ENAH: variants seen among roughly 807,000 people sequenced by gnomAD.
ENAH encodes the protein protein enabled homolog.
Under a neutral mutation model 78.7 loss-of-function variants are expected in ENAH, and 23 were observed. The ratio of observed to expected loss-of-function variants is 0.29; its 90% CI spans 0.21 to 0.41. The LOEUF (loss-of-function observed/expected upper bound fraction) is 0.41, where lower values mean the gene tolerates loss of function less well. Ranked by LOEUF, ENAH falls within the 10% of genes least tolerant of loss-of-function variation. The pLI, the probability that ENAH is intolerant of heterozygous loss-of-function variation, is 1.00. For synonymous variants in ENAH, 226 were observed against 241.0 expected (o/e 0.94, Z 0.58); for missense variants, 544 against 691.0 (o/e 0.79, Z 2.39).
intron 1 of ENAH, among the ~76,000 whole-genome samples, chr1:225,570,155 A>C (rs1354261306): frequency 6.8e-6 from 1 of 146,606 alleles, no homozygotes; most frequent in Non-Finnish European, 1.5e-5. Flanking sequence ...TGGGTGACAG[A>C]GCAATGCTCC....
intron 4 of ENAH, among the ~76,000 whole-genome samples, chr1:225,527,175 C>T (rs1422549166): frequency 6.6e-6 from 1 of 152,104 alleles, no homozygotes; most frequent in Non-Finnish European, 1.5e-5. Flanking sequence ...ATTTATAATG[C>T]AAACTGATAA....
chr1:225,536,838 T>G (rs2096564139), intron 3 of ENAH, among the ~76,000 whole-genome samples: 1 of 152,052 alleles, frequency 6.6e-6, no homozygotes, highest in Admixed American at 6.6e-5. Context: ...CTTTGCTAAG[T>G]ACTTCCAACC....
intron 11 of ENAH, among the ~76,000 whole-genome samples, chr1:225,506,709 C>CT (rs1449207321): frequency 2.0e-5 from 3 of 152,136 alleles, no homozygotes; most frequent in African/African-American, 7.2e-5. Context: ...AAACTAAAAG[C>CT]TTTTATACAT....
At chr1:225,635,923 T>A (rs1391965131) in intron 1 of ENAH, among the ~76,000 whole-genome samples, 1 of 152,216 alleles carries the variant, frequency 6.6e-6, no homozygotes, top group Non-Finnish European at 1.5e-5. Flanking sequence ...GAAATCCTCC[T>A]GTTTTGAGTT....
At chr1:225,502,336 G>A (rs115904547) in intron 11 of ENAH, among the ~76,000 whole-genome samples, 5,002 of 152,004 alleles carry the variant, frequency 0.033, 111 homozygotes, top group East Asian at 0.09. Context: ...CTCAGCCTCT[G>A]GAGTAGCTGG....
At position 225,488,544 on chromosome 1, in the gene ENAH, T is replaced by C. The variant is rs1382176356; in HGVS notation, c.*9231A>G. ...TTAAAAAAAAAATTCTATGCAAATATGTAAGTACTGTCATTGAGGATTACA... is the reference window on the plus strand; with the variant it reads ...TTAAAAAAAAAATTCTATGCAAATACGTAAGTACTGTCATTGAGGATTACA... On this transcript the variant is annotated 3_prime_UTR_variant, in exon 14 of 14. Transcript: ENST00000366843. 1.3e-5 allele frequency: 2 copies of C among 152,206 alleles called. No individual in the cohort carries two copies. The highest frequency in any genetic ancestry group is 6.5e-5 in the Admixed American group (1 of 15,286). The allele number at this position is 152,206 out of a possible 1,614,324, so 9.4% of individuals were successfully genotyped here.
chr1:225,614,806 T>A (rs2097015168), intron 1 of ENAH, among the ~76,000 whole-genome samples: 1 of 152,236 alleles, frequency 6.6e-6, no homozygotes, highest in African/African-American at 2.4e-5. Context: ...AGACCAAATA[T>A]GTATTTCTTA....
intron 1 of ENAH, among the ~76,000 whole-genome samples, chr1:225,629,095 T>A (rs1446784393): frequency 4.0e-5 from 6 of 151,284 alleles, no homozygotes; most frequent in Admixed American, 4.0e-4. Context: ...CTGGCCAACA[T>A]GGTAAAACCC....
rs1458581569 is a variant in ENAH, at chr1:225,514,801, G to A, written c.1013C>T (p.Pro338Leu). ...VALPPPPGPP[P>L]PPPLPSTGPP... ...CCCGGTGGATGGGAGTGGAGGAGGT[G>A]GAGGGGGCCCTGGGGGAGGAGGGAG... Residue 338 changes from proline (P) to leucine (L), a missense_variant, in exon 7 of 14, where the codon CCA (proline) becomes CTA (leucine). Physicochemically the swap from Pro to Leu is moderately conservative, Grantham distance 98. Coordinates refer to ENST00000366843, the MANE Select transcript of ENAH (RefSeq NM_018212.6). 11 of 1,516,300 alleles carry A rather than the reference G, an allele frequency of 7.3e-6. 1 individual carries two copies. Among genetic ancestry groups the A allele is most frequent in the South Asian group, 2.5e-5 (2 of 81,116 alleles). 93.9% of individuals were successfully genotyped at this position (1,516,300 alleles called of 1,614,324 possible). A position where few individuals can be genotyped will look rare whatever the true frequency, so the allele number is the denominator to read the frequency against.
At chr1:225,614,509 T>C (rs910854066) in intron 1 of ENAH, among the ~76,000 whole-genome samples, 3 of 152,228 alleles carry the variant, frequency 2.0e-5, no homozygotes, top group Admixed American at 2.0e-4. Flanking sequence ...TGCTCATCCA[T>C]CTGGAAGCTC....
intron 6 of ENAH, among the ~76,000 whole-genome samples, chr1:225,516,409 A>G (rs2096417424): frequency 1.3e-5 from 2 of 152,220 alleles, no homozygotes. Context: ...AGAAGGAAAC[A>G]GGGCCCAAGA....
rs1001947807 is a variant in ENAH, at chr1:225,524,229, TATTC to T, written c.435-4668_435-4665del. Reference sequence around the variant, plus strand: ...TGAGATTAATAGCTTTTTAAATATATATTCATTATTTAGTTTATGTTGACTCAAA... The same window carrying T: ...TGAGATTAATAGCTTTTTAAATATATATTATTTAGTTTATGTTGACTCAAA... On this transcript the variant is annotated intron_variant, in intron 4 of 13. Coordinates refer to ENST00000366843, the MANE Select transcript of ENAH (RefSeq NM_018212.6). 5.3e-4 allele frequency among the ~76,000 whole-genome samples: 81 copies of T among 152,332 alleles called. 2 individuals carry two copies. The highest frequency in any genetic ancestry group is 1.6e-3 in the African/African-American group (65 of 41,588).
chr1:225,577,488 A>G (rs552377355), intron 1 of ENAH, among the ~76,000 whole-genome samples: 63 of 152,386 alleles, frequency 4.1e-4, no homozygotes, highest in African/African-American at 1.5e-3. Flanking sequence ...ATGCAGCAGC[A>G]CCAAATATGC....
chr1:225,535,744 TA>T (rs1013921091), intron 3 of ENAH, among the ~76,000 whole-genome samples: 2 of 152,160 alleles, frequency 1.3e-5, no homozygotes, highest in African/African-American at 4.8e-5. Context: ...CATAGGCTCT[TA>T]AAAAAATTTA....
intron 11 of ENAH, among the ~76,000 whole-genome samples, chr1:225,502,946 T>C (rs1056537220): frequency 2.0e-5 from 3 of 152,244 alleles, no homozygotes; most frequent in African/African-American, 7.2e-5. Flanking sequence ...TCTCAAGTTA[T>C]ATAATGAATA....
Position 225,514,913 on chromosome 1 carries a change from A to T in ENAH, c.914-13T>A. On this transcript the variant is annotated splice_polypyrimidine_tract_variant and intron_variant, in intron 6 of 13. Transcript: ENST00000366843. ...CCCAAGACAATGCCTGAGAGAGAGA[A>T]ATGTTAAGTAAGACCATCAACAATA... 6.2e-7 allele frequency: 1 copy of T among 1,602,622 alleles called. No individual in the cohort carries two copies. The highest frequency in any genetic ancestry group is 8.5e-7 in the Non-Finnish European group (1 of 1,173,102).
At chr1:225,641,678 G>A (rs1408964692) in intron 1 of ENAH, among the ~76,000 whole-genome samples, 2 of 151,708 alleles carry the variant, frequency 1.3e-5, no homozygotes, top group African/African-American at 2.4e-5. Flanking sequence ...CGTGAGGTCC[G>A]GAGTTCGAGA....
intron 5 of ENAH, chr1:225,517,958 G>GCA: frequency 6.5e-7 from 1 of 1,546,476 alleles, no homozygotes. Flanking sequence ...TCAGGAAGTG[G>GCA]AGCGTTATAC....
chr1:225,488,854 C>T lies in ENAH; in HGVS notation c.*8921G>A, dbSNP rs2096210430. 6.6e-6 allele frequency: 1 copy of T among 152,216 alleles called. No homozygotes were observed. The highest frequency in any genetic ancestry group is 2.1e-4 in the South Asian group (1 of 4,834). 9.4% of individuals were successfully genotyped at this position (152,216 alleles called of 1,614,324 possible). On this transcript the variant is annotated 3_prime_UTR_variant, in exon 14 of 14. Transcript: ENST00000366843. ...CCTAAGACGAAGCAAAGACTCAGAG[C>T]CCTCAAATGGCACGGAAGCGGCACC...
Sources: gnomAD v4.1 joint callset for allele counts (sites outside exome capture counted in the v4.1 genomes callset) on GRCh38, gnomAD v4.1.1 for gene constraint, MANE v1.5 for transcripts, NCBI Gene and HGNC (gene_info 2026-07-23, HGNC 2026-07-21) for gene names.